Variants in TUBB8B observed in about 807,000 individuals in gnomAD.
The protein encoded by TUBB8B is HSA18p11 beta-tubulin 4Q pseudogene.
Under a neutral mutation model 31.9 loss-of-function variants are expected in TUBB8B, and 26 were observed. The ratio of observed to expected loss-of-function variants is 0.81; its 90% CI spans 0.60 to 1.13. TUBB8B has a LOEUF of 1.13. TUBB8B is among the 50% of genes most tolerant of loss of function. TUBB8B has a pLI of 0.00. For missense variants in TUBB8B, 467 were observed against 586.7 expected (o/e 0.80, Z 2.11); for synonymous variants, 173 against 231.0 (o/e 0.75, Z 2.28).
intron 2 of TUBB8B, 28 bp downstream of exon 2, chr18:49,101 G>A (rs772944498): frequency 2.6e-6 from 3 of 1,172,744 alleles, no homozygotes; most frequent in Non-Finnish European, 3.5e-6. Context: ...TTCCCAGGAG[G>A]GCGGTGGGAG....
chr18:64,131 C>T, the TUBB8B span, among the ~76,000 whole-genome samples: 1 of 152,020 alleles, frequency 6.6e-6, no homozygotes, highest in Admixed American at 6.6e-5. Context: ...CACTAACCAT[C>T]TAACCCTTCT....
chr18:53,753 G>A (rs980271519), upstream of TUBB8B, among the ~76,000 whole-genome samples: 10 of 151,916 alleles, frequency 6.6e-5, no homozygotes, highest in African/African-American at 1.9e-4. Context: ...ACAAGCATGA[G>A]CTACTGCTCC....
In TUBB8B at chr18:49,256, G is replaced by A. The variant is rs1456758348; in HGVS notation, c.58-19C>T. ...CCCAGAACTGCAAGAGACGGGAGGG[G>A]CCAGACAGGCCGGGGCTGAGTCACG... On this transcript the variant is annotated intron_variant, in intron 1 of 3. Transcript: ENST00000308911. 1.5e-5 allele frequency: 23 copies of A among 1,527,472 alleles called. No homozygotes were observed. Among genetic ancestry groups the A allele is most frequent in the Non-Finnish European group, 1.8e-5 (20 of 1,139,344 alleles). 94.6% of individuals were successfully genotyped at this position (1,527,472 alleles called of 1,614,324 possible). A position where few individuals can be genotyped will look rare whatever the true frequency, so the allele number is the denominator to read the frequency against.
chr18:50,514 G>A (rs1483709197), upstream of TUBB8B: 1 of 152,664 alleles, frequency 6.6e-6, no homozygotes. Context: ...TCACAGGGCT[G>A]AGTCACCTGT....
the TUBB8B span, among the ~76,000 whole-genome samples, chr18:67,197 G>T: frequency 6.6e-6 from 1 of 152,080 alleles, no homozygotes; most frequent in Non-Finnish European, 1.5e-5. Context: ...GGGTTTCACC[G>T]TGTTAGCCAG....
At chr18:63,836 C>A in the TUBB8B span, among the ~76,000 whole-genome samples, 2 of 148,000 alleles carry the variant, frequency 1.4e-5, no homozygotes, top group African/African-American at 2.5e-5. Flanking sequence ...TAACCCCAAC[C>A]CTTAACTCTT....
the TUBB8B span, among the ~76,000 whole-genome samples, chr18:58,318 C>T: frequency 6.6e-6 from 1 of 151,722 alleles, no homozygotes; most frequent in Non-Finnish European, 1.5e-5. Context: ...AAATAGATTA[C>T]AACTTACTTT....
Position 49,546 on chromosome 18 carries a change from G to A in TUBB8B, c.12C>T (p.Ile4=), listed in dbSNP as rs62075716. 444,512 of 763,938 alleles carry A rather than the reference G, an allele frequency of 0.58. 159,852 individuals carry two copies. Among genetic ancestry groups the A allele is most frequent in the East Asian group, 0.97 (33,938 of 34,860 alleles). 47.3% of individuals were successfully genotyped at this position (763,938 alleles called of 1,614,324 possible). A position where few individuals can be genotyped will look rare whatever the true frequency, so the allele number is the denominator to read the frequency against. The change falls in exon 1 of 4, where the codon ATC becomes ATT. Residue 4 remains isoleucine, a synonymous_variant. Coordinates refer to ENST00000308911, the MANE Select transcript of TUBB8B (RefSeq NM_001358689.2). ...CGCACTGCCCGGTCTGCGTGAGCAC[G>A]ATTTCCCTCATGGCCAAGGCAGGAT... The part of the protein sequence containing the change: MRE[I]VLTQTGQCGN...
the TUBB8B span, among the ~76,000 whole-genome samples, chr18:71,965 T>C: frequency 6.6e-6 from 1 of 151,444 alleles, no homozygotes; most frequent in Middle Eastern, 3.2e-3. Flanking sequence ...GATCACGAGG[T>C]CAGAAGTGCA....
the TUBB8B span, among the ~76,000 whole-genome samples, chr18:67,942 C>T: frequency 2.6e-5 from 4 of 152,208 alleles, no homozygotes. Flanking sequence ...ACAGATATGA[C>T]ACCCGAAATA....
the TUBB8B span, among the ~76,000 whole-genome samples, chr18:64,107 A>G: frequency 1.3e-5 from 2 of 151,986 alleles, no homozygotes; most frequent in Admixed American, 1.3e-4. Flanking sequence ...CCTCACCCTA[A>G]CCCTTAACCC....
the TUBB8B span, among the ~76,000 whole-genome samples, chr18:58,696 A>G: frequency 6.6e-6 from 1 of 151,744 alleles, no homozygotes; most frequent in African/African-American, 2.4e-5. Flanking sequence ...TGTTTACCCA[A>G]TTACAAAGCT....
the TUBB8B span, among the ~76,000 whole-genome samples, chr18:68,584 T>A: frequency 6.6e-6 from 1 of 152,174 alleles, no homozygotes; most frequent in Non-Finnish European, 1.5e-5. Flanking sequence ...CTCAGCCCAA[T>A]GCTTGCTCTC....
the TUBB8B span, among the ~76,000 whole-genome samples, chr18:57,440 C>T: frequency 6.6e-6 from 1 of 151,868 alleles, no homozygotes; most frequent in Non-Finnish European, 1.5e-5. Context: ...AATTTTAAGG[C>T]TCCAAAATAA....
Position 49,558 on chromosome 18 carries a change from G to A in TUBB8B, c.-1C>T, listed in dbSNP as rs763814452. ...TCTGCGTGAGCACGATTTCCCTCAT[G>A]GCCAAGGCAGGATTAGGGCGGCAGC... On this transcript the variant is annotated 5_prime_UTR_variant, in exon 1 of 4. Coordinates refer to ENST00000308911, the MANE Select transcript of TUBB8B (RefSeq NM_001358689.2). The A allele has an allele frequency of 1.7e-5, 14 of 842,276 alleles. No homozygotes were observed. In the African/African-American group the frequency reaches 2.2e-4, roughly 13 times the overall value. 52.2% of individuals were successfully genotyped at this position (842,276 alleles called of 1,614,324 possible). A position where few individuals can be genotyped will look rare whatever the true frequency, so the allele number is the denominator to read the frequency against.
the TUBB8B span, among the ~76,000 whole-genome samples, chr18:72,513 C>G: frequency 2.1e-3 from 321 of 152,264 alleles, no homozygotes; most frequent in African/African-American, 7.5e-3. Flanking sequence ...TAGACGCACA[C>G]AATGGTTTTT....
the TUBB8B span, among the ~76,000 whole-genome samples, chr18:63,141 T>A: frequency 6.6e-6 from 1 of 151,760 alleles, no homozygotes; most frequent in Non-Finnish European, 1.5e-5. Flanking sequence ...GGTGCCTTAT[T>A]TAGCTTGTTT....
At chr18:55,905 C>G in the TUBB8B span, among the ~76,000 whole-genome samples, 1 of 151,648 alleles carries the variant, frequency 6.6e-6, no homozygotes, top group Non-Finnish European at 1.5e-5. Flanking sequence ...GAAATTTTTG[C>G]CCAAACCAAT....
the TUBB8B span, among the ~76,000 whole-genome samples, chr18:57,237 A>G: frequency 6.6e-6 from 1 of 151,846 alleles, no homozygotes; most frequent in Non-Finnish European, 1.5e-5. Context: ...CTCAAAAGTC[A>G]AAAGTCTCAT....
Sources: allele counts gnomAD v4.1 joint callset (sites outside exome capture counted in the v4.1 genomes callset), GRCh38; gene constraint gnomAD v4.1.1; transcripts MANE v1.5; gene names NCBI Gene and HGNC (gene_info 2026-07-23, HGNC 2026-07-21).